CSMD1: variants seen among roughly 807,000 people sequenced by gnomAD.
The protein encoded by CSMD1 is CUB and sushi domain-containing protein 1.
CSMD1 carries 213 observed loss-of-function variants against 417.5 expected under a neutral mutation model. That is an observed-to-expected ratio of 0.51 (90% CI 0.46 to 0.57). CSMD1 has a LOEUF of 0.57. Ranked by LOEUF, CSMD1 falls within the 20% of genes least tolerant of loss-of-function variation. The pLI is 0.00. For synonymous variants in CSMD1, 2,862 were observed against 1,736.8 expected, an observed-to-expected ratio of 1.65 and a Z score of -16.11; for missense variants, 6,923 against 4,529.7, an observed-to-expected ratio of 1.53 and a Z score of -15.17.
chr8:3,974,394 A>T (rs763973844), intron 5 of CSMD1, among the ~76,000 whole-genome samples: 1 of 152,020 alleles, frequency 6.6e-6, no homozygotes, highest in Non-Finnish European at 1.5e-5. Context: ...AGGAAATTAA[A>T]CATGTATTTT....
At chr8:4,391,194 G>C (rs1049704521) in intron 3 of CSMD1, among the ~76,000 whole-genome samples, 8 of 152,116 alleles carry the variant, frequency 5.3e-5, no homozygotes, top group African/African-American at 1.9e-4. Context: ...GCTGTTTCCT[G>C]AAAAGTTGCA....
chr8:4,500,196 G>C (rs915063638), intron 2 of CSMD1, among the ~76,000 whole-genome samples: 1 of 152,160 alleles, frequency 6.6e-6, no homozygotes, highest in Non-Finnish European at 1.5e-5. Flanking sequence ...TCTCTGAAGA[G>C]GATGGAACTC....
chr8:3,573,570 A>C (rs1409384333), intron 10 of CSMD1, among the ~76,000 whole-genome samples: 1 of 152,142 alleles, frequency 6.6e-6, no homozygotes, highest in African/African-American at 2.4e-5. Context: ...ATAAATAATA[A>C]CTGAGATTTT....
chr8:4,932,476 C>T (rs1807312229), intron 1 of CSMD1, among the ~76,000 whole-genome samples: 1 of 152,084 alleles, frequency 6.6e-6, no homozygotes, highest in African/African-American at 2.4e-5. Flanking sequence ...AATATACTAC[C>T]TCATTAAGGC....
At chr8:4,117,214 C>T (rs5016254) in intron 3 of CSMD1, among the ~76,000 whole-genome samples, 5,157 of 147,096 alleles carry the variant, frequency 0.035, 115 homozygotes, top group Middle Eastern at 0.099. Flanking sequence ...TCCAAGGACC[C>T]CCTCCATCTC....
intron 41 of CSMD1, among the ~76,000 whole-genome samples, chr8:3,119,405 A>C (rs1031481670): frequency 5.0e-5 from 7 of 140,188 alleles, no homozygotes; most frequent in African/African-American, 1.8e-4. Context: ...AAAAAAAAAA[A>C]AAAAAAACAC....
intron 7 of CSMD1, among the ~76,000 whole-genome samples, chr8:3,631,096 G>C (rs1219406957): frequency 6.6e-6 from 1 of 152,118 alleles, no homozygotes; most frequent in Non-Finnish European, 1.5e-5. Flanking sequence ...TCCTGTCACA[G>C]CCTGCTCAGC....
At chr8:3,190,686 T>C (rs1267141951) in intron 33 of CSMD1, among the ~76,000 whole-genome samples, 1 of 152,204 alleles carries the variant, frequency 6.6e-6, no homozygotes, top group African/African-American at 2.4e-5. Flanking sequence ...ATCGGTACTC[T>C]CACATTCATT....
At chr8:4,166,259 G>C (rs1797450202) in intron 3 of CSMD1, among the ~76,000 whole-genome samples, 1 of 152,082 alleles carries the variant, frequency 6.6e-6, no homozygotes, top group Non-Finnish European at 1.5e-5. Context: ...ATATGCATTT[G>C]ATATAAAATA....
At chr8:4,271,870 C>T (rs983297400) in intron 3 of CSMD1, among the ~76,000 whole-genome samples, 12 of 152,178 alleles carry the variant, frequency 7.9e-5, no homozygotes, top group Non-Finnish European at 1.6e-4. Flanking sequence ...TTCCACGATG[C>T]ATACAGTCCT....
At chr8:3,950,729 T>G (rs148870410) in intron 5 of CSMD1, among the ~76,000 whole-genome samples, 1 of 136,168 alleles carries the variant, frequency 7.3e-6, no homozygotes, top group Admixed American at 7.4e-5. Context: ...CAAAATGTAA[T>G]TGGGGTTTTC....
At chr8:4,394,368 C>T (rs1804063004) in intron 3 of CSMD1, among the ~76,000 whole-genome samples, 2 of 152,130 alleles carry the variant, frequency 1.3e-5, no homozygotes, top group African/African-American at 4.8e-5. Context: ...GTCCTGTTTC[C>T]ATCATGAGCT....
intron 5 of CSMD1, among the ~76,000 whole-genome samples, chr8:3,938,462 G>A (rs542195899): frequency 2.2e-4 from 33 of 152,268 alleles, no homozygotes; most frequent in African/African-American, 7.5e-4. Context: ...GATCTGTGGT[G>A]GGGATAAGTA....
chr8:4,196,315 G>A (rs947470366), intron 3 of CSMD1, among the ~76,000 whole-genome samples: 3 of 152,140 alleles, frequency 2.0e-5, no homozygotes, highest in Non-Finnish European at 4.4e-5. Context: ...TATCGCTGCC[G>A]TACATTACTA....
intron 1 of CSMD1, among the ~76,000 whole-genome samples, chr8:4,668,950 G>A (rs1805123143): frequency 6.6e-6 from 1 of 151,978 alleles, no homozygotes; most frequent in Admixed American, 6.6e-5. Flanking sequence ...TATTATTTCT[G>A]AACTAGTGTT....
At chr8:4,638,433 T>G (rs535237841) in intron 1 of CSMD1, among the ~76,000 whole-genome samples, 2 of 152,188 alleles carry the variant, frequency 1.3e-5, no homozygotes, top group African/African-American at 4.8e-5. Flanking sequence ...CTTATCAAGT[T>G]GAAAATAAAA....
intron 2 of CSMD1, among the ~76,000 whole-genome samples, chr8:4,514,804 A>C (rs1319798520): frequency 6.6e-6 from 1 of 152,188 alleles, no homozygotes; most frequent in Non-Finnish European, 1.5e-5. Flanking sequence ...CTCATACCTT[A>C]GTGCTGGCTG....
intron 4 of CSMD1, among the ~76,000 whole-genome samples, chr8:4,029,853 C>T (rs1303536824): frequency 6.6e-6 from 1 of 151,988 alleles, no homozygotes; most frequent in African/African-American, 2.4e-5. Context: ...AATGCAGGCA[C>T]AAGAATTGGG....
chr8:4,914,324 C>T (rs149147192), intron 1 of CSMD1, among the ~76,000 whole-genome samples: 2,313 of 152,144 alleles, frequency 0.015, 31 homozygotes, highest in African/African-American at 0.037. Flanking sequence ...CACCTGTAAT[C>T]CCAACACTTT....
Sources: allele counts gnomAD v4.1 joint callset (sites outside exome capture counted in the v4.1 genomes callset), GRCh38; gene constraint gnomAD v4.1.1; transcripts MANE v1.5; gene names NCBI Gene and HGNC (gene_info 2026-07-23, HGNC 2026-07-21).